CTNNA2: variants seen among roughly 807,000 people sequenced by gnomAD.
CTNNA2 encodes catenin alpha 2, also known as catenin alpha-2.
A neutral mutation model predicts 101.0 loss-of-function variants in CTNNA2; 42 were observed. The observed-to-expected ratio is 0.42, with a 90% confidence interval of 0.32 to 0.54. The LOEUF (loss-of-function observed/expected upper bound fraction) is 0.54. CTNNA2 is among the 20% of genes least tolerant of loss of function. CTNNA2 has a pLI of 0.14. For synonymous variants in CTNNA2, 450 were observed against 456.4 expected, an observed-to-expected ratio of 0.99 and a Z score of 0.18; for missense variants, 871 against 1,223.1, an observed-to-expected ratio of 0.71 and a Z score of 4.29.
intron 2 of CTNNA2, among the ~76,000 whole-genome samples, chr2:79,671,175 G>A (rs760139947): frequency 2.6e-5 from 4 of 152,180 alleles, no homozygotes; most frequent in Admixed American, 2.6e-4. Context: ...TTGCCTGGCT[G>A]ATGACCTCTT....
intron 9 of CTNNA2, among the ~76,000 whole-genome samples, chr2:80,520,913 T>G (rs1689488994): frequency 6.6e-6 from 1 of 152,140 alleles, no homozygotes; most frequent in Non-Finnish European, 1.5e-5. Flanking sequence ...TGGTGTGGAA[T>G]GATCCAAGGT....
chr2:79,896,208 G>C (rs1684703806), intron 6 of CTNNA2, among the ~76,000 whole-genome samples: 1 of 152,040 alleles, frequency 6.6e-6, no homozygotes, highest in Admixed American at 6.6e-5. Context: ...ACTTGAGCCT[G>C]GCAGGCAGAA....
At chr2:79,603,799 G>T (rs146424520) in intron 1 of CTNNA2, among the ~76,000 whole-genome samples, 1 of 152,312 alleles carries the variant, frequency 6.6e-6, no homozygotes, top group African/African-American at 2.4e-5. Context: ...CTCAGGCCAT[G>T]TCCCTTAGGA....
Position 80,608,447 on chromosome 2 carries a change from A to G in CTNNA2, c.2430+129A>G, listed in dbSNP as rs1698202197. 2.4e-5 allele frequency: 22 copies of G among 898,098 alleles called. No homozygotes were observed. The South Asian group carries it at 4.6e-4, about 19-fold the overall frequency. The allele number at this position is 898,098 out of a possible 1,614,324, so 55.6% of individuals were successfully genotyped here. Reference sequence around the variant, plus strand: ...TATAGGGAGGGCTTTTTTTAAATAAATGTTATCACCATTATTCCAGACCTT... The same window carrying G: ...TATAGGGAGGGCTTTTTTTAAATAAGTGTTATCACCATTATTCCAGACCTT... On this transcript the variant is annotated intron_variant, in intron 17 of 18. Transcript: ENST00000402739.
intron 1 of CTNNA2, among the ~76,000 whole-genome samples, chr2:79,528,417 C>T (rs976770280): frequency 6.6e-6 from 1 of 151,872 alleles, no homozygotes; most frequent in African/African-American, 2.4e-5. Context: ...AAAGGTCTTG[C>T]TGTATTGCCC....
rs146843657 is a variant in CTNNA2, at chr2:79,824,348, A to C, written c.299-33665A>C. ...GGTCACCATATTGGAAGTAACTTTT[A>C]GTAGTTGTACAAGCCAATAAATGAA... On this transcript the variant is annotated intron_variant, in intron 3 of 18. Coordinates refer to ENST00000402739, the MANE Select transcript of CTNNA2 (RefSeq NM_001282597.3). Among the ~76,000 whole-genome samples the C allele has an allele frequency of 1.1e-4, 16 of 152,156 alleles. 1 individual carries two copies. The East Asian group carries it at 2.7e-3, about 26-fold the overall frequency.
intron 7 of CTNNA2, among the ~76,000 whole-genome samples, chr2:79,950,571 T>C (rs1223743701): frequency 4.6e-5 from 7 of 152,196 alleles, no homozygotes; most frequent in Non-Finnish European, 1.0e-4. Context: ...TAAAGAATGT[T>C]TACTGACTGC....
At chr2:80,422,870 G>GTGTGGGGATTTATT (rs146878236) in intron 9 of CTNNA2, among the ~76,000 whole-genome samples, 16,133 of 152,066 alleles carry the variant, frequency 0.11, 2,837 homozygotes, top group African/African-American at 0.37. Flanking sequence ...AACAATGTGA[G>GTGTGGGGATTTATT]TGTGGAAAGG....
chr2:79,196,042 T>A (rs1198602403), intron 1 of CTNNA2, among the ~76,000 whole-genome samples: 1 of 152,132 alleles, frequency 6.6e-6, no homozygotes, highest in Non-Finnish European at 1.5e-5. Context: ...GTACAAGCGA[T>A]TCTCCTGCCT....
intron 7 of CTNNA2, among the ~76,000 whole-genome samples, chr2:80,330,485 G>A (rs1243700181): frequency 6.7e-6 from 1 of 149,216 alleles, no homozygotes; most frequent in African/African-American, 2.5e-5. Context: ...TTTCCCAACT[G>A]CATCTACTTT....
chr2:79,527,960 A>G (rs1278254145), intron 1 of CTNNA2, among the ~76,000 whole-genome samples: 1 of 152,234 alleles, frequency 6.6e-6, no homozygotes, highest in East Asian at 1.9e-4. Flanking sequence ...GCATATTTAT[A>G]CAATGGGATA....
chr2:79,609,117 G>A (rs1376660837), intron 1 of CTNNA2, among the ~76,000 whole-genome samples: 2 of 151,766 alleles, frequency 1.3e-5, no homozygotes. Flanking sequence ...GTTACTTAGA[G>A]GTAAATCTGA....
intron 7 of CTNNA2, among the ~76,000 whole-genome samples, chr2:80,126,685 G>A (rs998645110): frequency 6.3e-5 from 8 of 127,468 alleles, no homozygotes; most frequent in Non-Finnish European, 9.5e-5. Context: ...CCTCCCTTTC[G>A]TCTTTCCTTC....
In CTNNA2 at chr2:80,419,443, C is replaced by T. The variant is rs773219963; in HGVS notation, c.1138-6C>T. 6.3e-7 allele frequency: 1 copy of T among 1,595,458 alleles called. No homozygotes were observed. On this transcript the variant is annotated splice_region_variant and splice_polypyrimidine_tract_variant and intron_variant, in intron 8 of 18. Coordinates refer to ENST00000402739, the MANE Select transcript of CTNNA2 (RefSeq NM_001282597.3). ...ATGTCATTTTTTGTTTTTGTTTCAACTGTAGCTTCGGAAAGCAGTGATGGA... is the reference window on the plus strand; with the variant it reads ...ATGTCATTTTTTGTTTTTGTTTCAATTGTAGCTTCGGAAAGCAGTGATGGA...
rs77483341 is a variant in CTNNA2, at chr2:79,968,890, A to T, written c.1056+59093A>T. ...AGTGTTATTCCAGATTTCATTACTG[A>T]TCTTCCAACTACCCCTTTTTGTATT... is the stretch of plus-strand genomic sequence containing the variant. On this transcript the variant is annotated intron_variant, in intron 7 of 18. Coordinates refer to ENST00000402739, the MANE Select transcript of CTNNA2 (RefSeq NM_001282597.3). 1.6e-4 allele frequency among the ~76,000 whole-genome samples: 25 copies of T among 151,644 alleles called. No homozygotes were observed. In the East Asian group the frequency reaches 4.9e-3, roughly 29 times the overall value.
intron 3 of CTNNA2, among the ~76,000 whole-genome samples, chr2:79,774,012 A>T (rs1325262984): frequency 6.6e-6 from 1 of 152,110 alleles, no homozygotes; most frequent in Non-Finnish European, 1.5e-5. Context: ...ATCTTTTGCA[A>T]TGTGGCTTTG....
At chr2:79,593,034 T>C (rs1242113314) in intron 1 of CTNNA2, among the ~76,000 whole-genome samples, 1 of 152,234 alleles carries the variant, frequency 6.6e-6, no homozygotes, top group Non-Finnish European at 1.5e-5. Context: ...TTATCGTCCA[T>C]CTGTGGGCAA....
chr2:79,839,645 T>A (rs879343053), intron 3 of CTNNA2, among the ~76,000 whole-genome samples: 3 of 152,036 alleles, frequency 2.0e-5, no homozygotes, highest in Non-Finnish European at 4.4e-5. Context: ...TTTTGGTTAA[T>A]TTCTTCAGCT....
intron 6 of CTNNA2, among the ~76,000 whole-genome samples, chr2:79,884,897 C>G (rs981856204): frequency 5.9e-5 from 9 of 152,016 alleles, no homozygotes; most frequent in African/African-American, 2.2e-4. Context: ...CCCTGGCTGG[C>G]AAGAATTGTA....
Sources: allele counts gnomAD v4.1 joint callset (sites outside exome capture counted in the v4.1 genomes callset), GRCh38; gene constraint gnomAD v4.1.1; transcripts MANE v1.5; gene names NCBI Gene and HGNC (gene_info 2026-07-23, HGNC 2026-07-21).